The following ANKS1B variants were observed in gnomAD, a reference collection of about 807,000 sequenced individuals.
ANKS1B encodes the protein ankyrin repeat and sterile alpha motif domain containing 1B, also known as ankyrin repeat and sterile alpha motif domain-containing protein 1B.
ANKS1B carries 36 observed loss-of-function variants against 148.3 expected under a neutral mutation model. The observed-to-expected ratio is 0.24, with a 90% CI of 0.19 to 0.32. ANKS1B has a LOEUF of 0.32. Among genes scored for constraint, ANKS1B ranks in the 10% least tolerant of loss-of-function variants. The pLI is 1.00. For synonymous variants in ANKS1B, 542 were observed against 560.8 expected, an observed-to-expected ratio of 0.97 and a Z score of 0.47; for missense variants, 1,157 against 1,542.6, an observed-to-expected ratio of 0.75 and a Z score of 4.19.
chr12:98,830,489 C>T (rs185676366), intron 18 of ANKS1B, among the ~76,000 whole-genome samples: 17 of 152,274 alleles, frequency 1.1e-4, no homozygotes, highest in South Asian at 2.1e-4. Flanking sequence ...GAAATCCTTG[C>T]GCATTTTCCT....
intron 12 of ANKS1B, among the ~76,000 whole-genome samples, chr12:99,327,510 G>GTATACA (rs2086711601): frequency 7.1e-6 from 1 of 140,378 alleles, no homozygotes; most frequent in Non-Finnish European, 1.5e-5. Flanking sequence ...ATCTAGGTTT[G>GTATACA]TATACATATA....
chr12:99,481,831 A>G (rs1479187344), intron 10 of ANKS1B, among the ~76,000 whole-genome samples: 4 of 151,894 alleles, frequency 2.6e-5, no homozygotes, highest in African/African-American at 9.7e-5. Flanking sequence ...CTTTTGAGAA[A>G]TGTCTATTCA....
chr12:99,398,199 T>G (rs1361638849), intron 12 of ANKS1B, among the ~76,000 whole-genome samples: 4 of 152,164 alleles, frequency 2.6e-5, no homozygotes, highest in African/African-American at 9.6e-5. Context: ...GGATTATAAC[T>G]TCCATAGAAT....
intron 8 of ANKS1B, among the ~76,000 whole-genome samples, chr12:99,728,638 G>T (rs1160382823): frequency 6.6e-6 from 1 of 151,908 alleles, no homozygotes; most frequent in Non-Finnish European, 1.5e-5. Flanking sequence ...TATATCCAAA[G>T]AATTGTTCCA....
intron 8 of ANKS1B, among the ~76,000 whole-genome samples, chr12:99,759,626 T>A (rs1022925330): frequency 1.3e-5 from 2 of 151,966 alleles, no homozygotes; most frequent in Non-Finnish European, 1.5e-5. Flanking sequence ...GGCAGCAAAA[T>A]GGATTTTTTT....
At chr12:98,779,621 G>A (rs530090607) in intron 24 of ANKS1B, among the ~76,000 whole-genome samples, 47 of 152,236 alleles carry the variant, frequency 3.1e-4, no homozygotes, top group African/African-American at 1.1e-3. Context: ...AGGTGCCAAA[G>A]TCTTTCTTAA....
At chr12:99,092,304 G>A (rs933825953) in intron 15 of ANKS1B, among the ~76,000 whole-genome samples, 2 of 152,066 alleles carry the variant, frequency 1.3e-5, no homozygotes, top group Admixed American at 6.5e-5. Context: ...CAGGGGGTGC[G>A]GCTGGGGTTG....
At chr12:98,782,220 A>G (rs1279025463) in intron 22 of ANKS1B, 83 bp from the exon 23 acceptor site, 2 of 1,158,210 alleles carry the variant, frequency 1.7e-6, no homozygotes, top group East Asian at 2.5e-5. Flanking sequence ...AACCATTTCA[A>G]TAATTCACCA....
intron 8 of ANKS1B, among the ~76,000 whole-genome samples, chr12:99,684,950 C>T: frequency 6.6e-6 from 1 of 152,112 alleles, no homozygotes; most frequent in African/African-American, 2.4e-5. Flanking sequence ...AGACTTAAAT[C>T]TAACACCTGA....
intron 4 of ANKS1B, among the ~76,000 whole-genome samples, chr12:99,802,319 C>CTCATT (rs2067046678): frequency 6.6e-6 from 1 of 152,090 alleles, no homozygotes; most frequent in Non-Finnish European, 1.5e-5. Context: ...AAAGCACTAG[C>CTCATT]ATGATATGGC....
intron 1 of ANKS1B, among the ~76,000 whole-genome samples, chr12:99,974,658 T>G (rs1296442479): frequency 1.3e-5 from 2 of 151,922 alleles, no homozygotes; most frequent in Non-Finnish European, 2.9e-5. Context: ...GATGGCTTGA[T>G]CCCAGGAGTT....
intron 17 of ANKS1B, among the ~76,000 whole-genome samples, chr12:98,891,691 A>C: frequency 6.6e-6 from 1 of 152,224 alleles, no homozygotes; most frequent in Non-Finnish European, 1.5e-5. Context: ...CAAGAGTAAA[A>C]ACATTACATA....
chr12:98,815,183 C>G (rs1031077386), intron 19 of ANKS1B, among the ~76,000 whole-genome samples: 6 of 152,128 alleles, frequency 3.9e-5, no homozygotes, highest in Non-Finnish European at 7.4e-5. Flanking sequence ...CAAAAGCAAA[C>G]AAACTCCTTC....
intron 12 of ANKS1B, among the ~76,000 whole-genome samples, chr12:99,369,549 G>A (rs2092967245): frequency 6.6e-6 from 1 of 152,128 alleles, no homozygotes; most frequent in Admixed American, 6.6e-5. Context: ...GATGCTAGAT[G>A]AAATAGGCTG....
At chr12:98,797,719 T>G (rs1165270913) in intron 22 of ANKS1B, among the ~76,000 whole-genome samples, 4 of 152,242 alleles carry the variant, frequency 2.6e-5, no homozygotes, top group African/African-American at 9.6e-5. Context: ...CTCAATTTCA[T>G]GAAGATTCAC....
At chr12:99,063,897 T>G (rs978866577) in intron 16 of ANKS1B, among the ~76,000 whole-genome samples, 1 of 152,222 alleles carries the variant, frequency 6.6e-6, no homozygotes, top group Admixed American at 6.5e-5. Flanking sequence ...CAAATACGTC[T>G]GCTACTTGCA....
chr12:99,507,909 C>T lies in ANKS1B; in HGVS notation c.1273-3268G>A, dbSNP rs1258282424. On this transcript the variant is annotated intron_variant, in intron 9 of 26. Transcript: ENST00000683438. ...TATCATTGAAACCTGTCCCCCAACC[C>T]ACCCCATGTTCATCTTTCCAATTTT... Among the ~76,000 whole-genome samples the T allele has an allele frequency of 5.9e-5, 9 of 151,902 alleles. No homozygotes were observed. In the East Asian group the frequency reaches 1.7e-3, roughly 29 times the overall value.
chr12:99,489,106 G>C (rs1395057916), intron 10 of ANKS1B, among the ~76,000 whole-genome samples: 1 of 151,976 alleles, frequency 6.6e-6, no homozygotes, highest in Non-Finnish European at 1.5e-5. Context: ...GCTAGGCATG[G>C]TGGCACGCAC....
chr12:98,800,952 C>A, intron 21 of ANKS1B, 45 bp downstream of exon 21: 1 of 1,583,908 alleles, frequency 6.3e-7, no homozygotes. Context: ...AAAACATACC[C>A]CCTATCTCCA....
Sources: allele counts gnomAD v4.1 joint callset (sites outside exome capture counted in the v4.1 genomes callset), GRCh38; gene constraint gnomAD v4.1.1; transcripts MANE v1.5; gene names NCBI Gene and HGNC (gene_info 2026-07-23, HGNC 2026-07-21).